The following SLC2A13 variants were observed in gnomAD, a reference collection of about 807,000 sequenced individuals.
SLC2A13 encodes the protein solute carrier family 2 member 13.
In SLC2A13, 32 loss-of-function variants were observed where a neutral mutation model predicts 64.4. The ratio of observed to expected loss-of-function variants is 0.50; its 90% confidence interval spans 0.37 to 0.67. The LOEUF (loss-of-function observed/expected upper bound fraction) is 0.67. Ranked by LOEUF, SLC2A13 falls within the 30% of genes least tolerant of loss-of-function variation. The pLI is 0.00. For missense variants in SLC2A13, 743 were observed against 829.2 expected, an observed-to-expected ratio of 0.90 and a Z score of 1.28; for synonymous variants, 338 against 327.1, an observed-to-expected ratio of 1.03 and a Z score of -0.36.
chr12:39,791,083 T>C (rs1213147908), intron 7 of SLC2A13, among the ~76,000 whole-genome samples: 1 of 148,018 alleles, frequency 6.8e-6, no homozygotes, highest in East Asian at 2.0e-4. Context: ...TTTTTTCTTG[T>C]AAATTTGTTT....
chr12:39,843,783 T>G (rs1183129368), intron 6 of SLC2A13, among the ~76,000 whole-genome samples: 1 of 152,026 alleles, frequency 6.6e-6, no homozygotes, highest in East Asian at 1.9e-4. Flanking sequence ...TTTGTTGCTT[T>G]AAACCACAAA....
intron 4 of SLC2A13, among the ~76,000 whole-genome samples, chr12:39,947,911 C>T (rs1326224048): frequency 2.6e-5 from 4 of 152,084 alleles, no homozygotes; most frequent in South Asian, 2.1e-4. Flanking sequence ...CTGCCCACCT[C>T]GGCCTCCCAA....
intron 3 of SLC2A13, among the ~76,000 whole-genome samples, chr12:39,977,357 T>C (rs1946781491): frequency 6.6e-6 from 1 of 152,246 alleles, no homozygotes; most frequent in East Asian, 1.9e-4. Flanking sequence ...CTCTGATCTC[T>C]TTCAGCCATT....
At chr12:39,852,867 G>A (rs572794800) in intron 6 of SLC2A13, among the ~76,000 whole-genome samples, 164 of 152,264 alleles carry the variant, frequency 1.1e-3, no homozygotes, top group African/African-American at 3.8e-3. Context: ...CTTCCGAGAC[G>A]AATTAGACTG....
intron 6 of SLC2A13, among the ~76,000 whole-genome samples, chr12:39,845,316 T>C (rs1943277951): frequency 6.6e-6 from 1 of 152,144 alleles, no homozygotes; most frequent in Admixed American, 6.6e-5. Context: ...ATTCTGTATC[T>C]GTTACCCAAG....
chr12:40,077,006 T>C (rs1464375289), intron 1 of SLC2A13, among the ~76,000 whole-genome samples: 1 of 152,176 alleles, frequency 6.6e-6, no homozygotes, highest in Non-Finnish European at 1.5e-5. Flanking sequence ...CTGGGGCTGT[T>C]TGATTTTTGC....
Position 40,074,286 on chromosome 12 carries a change from C to T in SLC2A13, c.557-26076G>A, listed in dbSNP as rs537946087. On this transcript the variant is annotated intron_variant, in intron 1 of 9. Coordinates refer to ENST00000280871, the MANE Select transcript of SLC2A13 (RefSeq NM_052885.4). ...GCTCAAGGGATCCTCCCACCTCAGC[C>T]TCCCAAGTAGATGGAACTACAGGCA... Among the ~76,000 whole-genome samples the T allele has an allele frequency of 8.7e-4, 132 of 151,944 alleles. 2 individuals are homozygous for T. The South Asian group carries it at 0.026, about 30-fold the overall frequency.
intron 3 of SLC2A13, among the ~76,000 whole-genome samples, chr12:39,959,653 G>C (rs922865257): frequency 6.6e-6 from 1 of 152,148 alleles, no homozygotes; most frequent in African/African-American, 2.4e-5. Context: ...GACATAAAAT[G>C]CATTCCTCAG....
At chr12:39,803,854 G>A (rs565640691) in intron 7 of SLC2A13, among the ~76,000 whole-genome samples, 1 of 152,120 alleles carries the variant, frequency 6.6e-6, no homozygotes, top group Admixed American at 6.5e-5. Context: ...CATAACTGAT[G>A]GAAAACAAGA....
intron 6 of SLC2A13, among the ~76,000 whole-genome samples, chr12:39,840,133 G>T (rs1943142667): frequency 6.6e-6 from 1 of 152,040 alleles, no homozygotes; most frequent in Admixed American, 6.6e-5. Context: ...CTGGGTTTAA[G>T]CGATTTTCCT....
At chr12:39,849,535 T>A (rs1943410823) in intron 6 of SLC2A13, among the ~76,000 whole-genome samples, 1 of 152,200 alleles carries the variant, frequency 6.6e-6, no homozygotes, top group African/African-American at 2.4e-5. Flanking sequence ...ACTGCCTCTA[T>A]CTTAACTCAG....
At chr12:40,074,448 T>G (rs1219693526) in intron 1 of SLC2A13, among the ~76,000 whole-genome samples, 1 of 152,172 alleles carries the variant, frequency 6.6e-6, no homozygotes, top group Non-Finnish European at 1.5e-5. Context: ...ATTACAGGGA[T>G]GAACTGCTGC....
intron 7 of SLC2A13, among the ~76,000 whole-genome samples, chr12:39,790,300 G>A (rs1346283910): frequency 2.7e-5 from 4 of 149,286 alleles, no homozygotes; most frequent in East Asian, 4.0e-4. Flanking sequence ...TACATGTGCT[G>A]TGCTGGTGCG....
intron 7 of SLC2A13, among the ~76,000 whole-genome samples, chr12:39,814,551 G>A (rs1251076739): frequency 6.6e-6 from 1 of 152,012 alleles, no homozygotes; most frequent in Admixed American, 6.5e-5. Flanking sequence ...ACAAACTGAA[G>A]AATGCTTTGG....
rs948124851 is a variant in SLC2A13, at chr12:39,912,289, T to C, written c.1034+38968A>G. Among the ~76,000 whole-genome samples the C allele has an allele frequency of 7.2e-5, 11 of 152,128 alleles. No individual in the cohort carries two copies. In the South Asian group the frequency reaches 1.9e-3, roughly 26 times the overall value. ...GCATTGACTGCCATTGGCATTCACATCCCATAATAATAGTAAATAATAATA... is the reference window on the plus strand; with the variant it reads ...GCATTGACTGCCATTGGCATTCACACCCCATAATAATAGTAAATAATAATA... On this transcript the variant is annotated intron_variant, in intron 4 of 9. Transcript: ENST00000280871.
chr12:40,081,888 G>A (rs770823208), intron 1 of SLC2A13, among the ~76,000 whole-genome samples: 1 of 152,196 alleles, frequency 6.6e-6, no homozygotes, highest in Non-Finnish European at 1.5e-5. Flanking sequence ...TTGAGGGTTT[G>A]ACAGTGGTAT....
chr12:40,027,594 C>T (rs970851112), intron 3 of SLC2A13, among the ~76,000 whole-genome samples: 2 of 152,160 alleles, frequency 1.3e-5, no homozygotes, highest in African/African-American at 4.8e-5. Flanking sequence ...GTGTGCTTGG[C>T]ATTTTCTCAG....
chr12:40,019,531 C>G (rs1266677934), intron 3 of SLC2A13, among the ~76,000 whole-genome samples: 1 of 152,052 alleles, frequency 6.6e-6, no homozygotes, highest in African/African-American at 2.4e-5. Context: ...TTTCCCAGTA[C>G]AACGTGGATT....
intron 4 of SLC2A13, among the ~76,000 whole-genome samples, chr12:39,891,120 CT>C (rs71075093): frequency 0.44 from 63,854 of 145,490 alleles, 14,293 homozygotes; most frequent in Middle Eastern, 0.53. Context: ...TCAAATATAC[CT>C]TTTTTTTTTT....
Sources: allele counts gnomAD v4.1 joint callset (sites outside exome capture counted in the v4.1 genomes callset), GRCh38; gene constraint gnomAD v4.1.1; transcripts MANE v1.5; gene names NCBI Gene and HGNC (gene_info 2026-07-23, HGNC 2026-07-21).